ANKRD55: variants seen among roughly 807,000 people sequenced by gnomAD.
ANKRD55 encodes the protein ankyrin repeat domain 55, also known as ankyrin repeat domain-containing protein 55.
A neutral mutation model predicts 60.6 loss-of-function variants in ANKRD55; 41 were observed. The observed-to-expected ratio is 0.68, with a 90% CI of 0.53 to 0.88. The LOEUF (loss-of-function observed/expected upper bound fraction) is 0.88. ANKRD55 is among the 40% of genes least tolerant of loss of function. The probability of loss-of-function intolerance (pLI) is 0.00; values close to 1 mark genes in which losing one functional copy is unlikely to be tolerated. For missense variants in ANKRD55, 732 were observed against 767.6 expected, an observed-to-expected ratio of 0.95 and a Z score of 0.55; for synonymous variants, 264 against 290.3, an observed-to-expected ratio of 0.91 and a Z score of 0.92.
intron 8 of ANKRD55, among the ~76,000 whole-genome samples, chr5:56,119,766 A>C (rs1379171746): frequency 6.6e-6 from 1 of 151,952 alleles, no homozygotes; most frequent in Non-Finnish European, 1.5e-5. Flanking sequence ...AAATATAAAA[A>C]TTAGTTGGAT....
At chr5:56,117,103 G>A (rs1397039104) in intron 8 of ANKRD55, among the ~76,000 whole-genome samples, 1 of 152,182 alleles carries the variant, frequency 6.6e-6, no homozygotes. Flanking sequence ...CCTTCCGGAA[G>A]ATTGAGTCAA....
At chr5:56,169,384 G>A (rs147756610) in intron 5 of ANKRD55, among the ~76,000 whole-genome samples, 1 of 151,134 alleles carries the variant, frequency 6.6e-6, no homozygotes, top group African/African-American at 2.4e-5. Flanking sequence ...CCACTCTTGG[G>A]AAAACAGTAT....
At position 56,232,898 on chromosome 5, in the gene ANKRD55, T is replaced by C; in HGVS notation, c.16A>G (p.Thr6Ala). 6.2e-7 allele frequency: 1 copy of C among 1,614,154 alleles called. No individual in the cohort carries two copies. MMRQATMDFSTPSVFD... is the reference protein window; with the variant it reads MMRQAAMDFSTPSVFD... The stretch of plus-strand genomic sequence containing the variant: ...ACAGAAGGGGTGCTGAAATCCATGG[T>C]AGCCTGTCTCATCATTTACCATCAG... Residue 6 changes from threonine to alanine, a missense_variant, in exon 2 of 12, where the codon ACC becomes GCC. Thr to Ala is a moderately conservative substitution (Grantham distance 58). Around this residue, in one of 3 missense-constraint regions of ANKRD55, gnomAD observed 131 missense variants for 142.7 expected, o/e 0.92. Coordinates refer to ENST00000341048, the MANE Select transcript of ANKRD55 (RefSeq NM_024669.3).
chr5:56,173,582 C>A (rs6864630), intron 4 of ANKRD55, among the ~76,000 whole-genome samples: 25,225 of 44,590 alleles, frequency 0.57, 7,263 homozygotes, highest in Non-Finnish European at 0.61. Context: ...CTCTCTCTCT[C>A]TATATATATA....
chr5:56,177,236 G>A (rs969488344), intron 3 of ANKRD55, among the ~76,000 whole-genome samples: 1 of 151,906 alleles, frequency 6.6e-6, no homozygotes, highest in Non-Finnish European at 1.5e-5. Flanking sequence ...AGTTGCAGTC[G>A]GCAACTCAAT....
chr5:56,183,218 C>T (rs115920520), intron 3 of ANKRD55, among the ~76,000 whole-genome samples: 3,203 of 152,292 alleles, frequency 0.021, 46 homozygotes, highest in Middle Eastern at 0.048. Flanking sequence ...GAAATCCTTG[C>T]TCTTTGCCTT....
intron 7 of ANKRD55, chr5:56,127,401 T>A: frequency 2.0e-6 from 2 of 983,834 alleles, no homozygotes; most frequent in South Asian, 9.4e-5. Context: ...TGCAATGGAC[T>A]GACGTCAGAG....
chr5:56,150,296 C>A (rs1052221243), intron 6 of ANKRD55, among the ~76,000 whole-genome samples: 1 of 152,156 alleles, frequency 6.6e-6, no homozygotes, highest in African/African-American at 2.4e-5. Context: ...CTACATGTCT[C>A]ACTACTTCAA....
Position 56,223,110 on chromosome 5 carries a change from C to T in ANKRD55, c.58+9746G>A, listed in dbSNP as rs565858611. On this transcript the variant is annotated intron_variant, in intron 2 of 11. Transcript: ENST00000341048. ...GTTAAGGGCAGCCAGAGAGAAAGGT[C>T]GGGTTACCCACAAAGGGAAGCCCAT... Among the ~76,000 whole-genome samples the T allele has an allele frequency of 4.6e-5, 7 of 152,242 alleles. No homozygotes were observed. The East Asian group carries it at 5.8e-4, about 13-fold the overall frequency.
intron 7 of ANKRD55, chr5:56,127,372 G>A: frequency 1.0e-6 from 1 of 982,626 alleles, no homozygotes; most frequent in South Asian, 4.7e-5. Context: ...ACGAAGGATG[G>A]ATTGAAATTA....
chr5:56,108,727 C>T (rs142296466), intron 10 of ANKRD55, among the ~76,000 whole-genome samples: 1,849 of 152,124 alleles, frequency 0.012, 20 homozygotes, highest in South Asian at 0.025. Context: ...AATATATGGC[C>T]CTTTTCTACT....
rs143094717 is a variant in ANKRD55 at position 56,111,441 on chromosome 5, C to T, written c.1307G>A (p.Ser436Asn). 360 of 1,614,134 alleles carry T rather than the reference C, an allele frequency of 2.2e-4. No homozygotes were observed. Among genetic ancestry groups the T allele is most frequent in the Middle Eastern group, 1.3e-3 (8 of 6,046 alleles). Residue 436 changes from serine (S) to asparagine (N), a missense_variant, in exon 10 of 12, where the codon AGT becomes AAT. Ser to Asn is a conservative substitution (Grantham distance 46). Transcript: ENST00000341048. ...ATTGCCCAGGGTGATGGGTGGGAGA[C>T]TCTGCGTTCTGATTGGTGGAAGCCC... Reference protein sequence around the residue: ...RKGLPPIRTQSLPPITLGNNF... With the variant: ...RKGLPPIRTQNLPPITLGNNF...
chr5:56,111,128 ATTATGT>A lies in ANKRD55; in HGVS notation c.1614_1619del (p.His539_Asn540del), dbSNP rs1561250825. ...AATCAAGGACATTACCTGATGATGG[ATTATGT>A]AGATGGCGAAGGTGTGGTGGCACGG... On this transcript the variant is annotated inframe_deletion, in exon 10 of 12. Transcript: ENST00000341048. 6.2e-7 allele frequency: 1 copy of A among 1,613,316 alleles called. No homozygotes were observed. The highest frequency in any genetic ancestry group is 8.5e-7 in the Non-Finnish European group (1 of 1,179,534).
intron 2 of ANKRD55, among the ~76,000 whole-genome samples, chr5:56,189,510 C>A (rs1759044106): frequency 6.6e-6 from 1 of 152,108 alleles, no homozygotes; most frequent in Admixed American, 6.6e-5. Context: ...CCCTGGAAAC[C>A]ACCATTCTGC....
chr5:56,202,748 C>T (rs558534420), intron 2 of ANKRD55, among the ~76,000 whole-genome samples: 17 of 152,230 alleles, frequency 1.1e-4, no homozygotes, highest in Non-Finnish European at 2.1e-4. Flanking sequence ...TTCTTCCTAA[C>T]CAAATTTGTG....
intron 5 of ANKRD55, among the ~76,000 whole-genome samples, chr5:56,166,110 C>CTTTCTTTCTTTCTT (rs1758453156): frequency 1.5e-5 from 1 of 67,808 alleles, no homozygotes; most frequent in Non-Finnish European, 2.9e-5. Flanking sequence ...TTCTTTCTTT[C>CTTTCTTTCTTTCTT]TTTCTTTCTT....
intron 2 of ANKRD55, among the ~76,000 whole-genome samples, chr5:56,213,900 C>T (rs887799965): frequency 6.6e-6 from 1 of 152,192 alleles, no homozygotes; most frequent in African/African-American, 2.4e-5. Flanking sequence ...AGTCTGTTCT[C>T]ATGTTGCTAA....
intron 2 of ANKRD55, among the ~76,000 whole-genome samples, chr5:56,213,493 G>T (rs1759727585): frequency 6.6e-6 from 1 of 151,146 alleles, no homozygotes; most frequent in Admixed American, 6.6e-5. Flanking sequence ...CAAACAAAAA[G>T]TAGGTAAGAA....
At chr5:56,224,882 A>G (rs1158674442) in intron 2 of ANKRD55, among the ~76,000 whole-genome samples, 1 of 152,238 alleles carries the variant, frequency 6.6e-6, no homozygotes. Flanking sequence ...AGACAGATTC[A>G]CAGCCGAATT....
Sources: allele counts gnomAD v4.1 joint callset (sites outside exome capture counted in the v4.1 genomes callset), GRCh38; gene constraint gnomAD v4.1.1; regional missense constraint gnomAD v4.1.1; transcripts MANE v1.5; gene names NCBI Gene and HGNC (gene_info 2026-07-23, HGNC 2026-07-21).